Variants in SCYL3 observed in about 807,000 individuals in gnomAD.
SCYL3 encodes the protein SCY1 like pseudokinase 3, also known as protein-associating with the carboxyl-terminal domain of ezrin.
SCYL3 carries 35 observed loss-of-function variants against 73.8 expected under a neutral mutation model. The ratio of observed to expected loss-of-function variants is 0.47; its 90% CI spans 0.36 to 0.63. SCYL3 has a LOEUF of 0.63. Among genes scored for constraint, SCYL3 ranks in the 20% least tolerant of loss-of-function variants. The pLI is 0.00. For missense variants in SCYL3, 712 were observed against 798.9 expected (o/e 0.89, Z 1.31); for synonymous variants, 277 against 295.2 (o/e 0.94, Z 0.63).
Position 169,857,132 on chromosome 1 carries a change from A to G in SCYL3, c.1312+1909T>C, listed in dbSNP as rs73024220. ...CATACCAGAAATAAGGACTTCCTGC[A>G]GTATCTAAAAGGCAACAGCTTTTTA... is the stretch of plus-strand genomic sequence containing the variant. On this transcript the variant is annotated intron_variant, in intron 11 of 12. Coordinates refer to ENST00000367771, the MANE Select transcript of SCYL3 (RefSeq NM_020423.7). Among the ~76,000 whole-genome samples the G allele has an allele frequency of 3.6e-3, 544 of 152,362 alleles. 4 individuals are homozygous for G. Among genetic ancestry groups the G allele is most frequent in the African/African-American group, 0.012 (507 of 41,588 alleles).
In SCYL3 at chr1:169,851,016, G is replaced by T. The variant is rs1193913280; in HGVS notation, c.*2697C>A. The T allele has an allele frequency of 1.2e-4, 2 of 17,032 alleles. No homozygotes were observed. The highest frequency in any genetic ancestry group is 2.3e-4 in the African/African-American group (1 of 4,344). 1.1% of individuals were successfully genotyped at this position (17,032 alleles called of 1,614,324 possible). A position where few individuals can be genotyped will look rare whatever the true frequency, so the allele number is the denominator to read the frequency against. ...TTTTTTTTTTTTTTTTATTTGGGCA[G>T]CCTCCCAAGCCAGGGTAAGCTCAGG... On this transcript the variant is annotated 3_prime_UTR_variant, in exon 13 of 13. Transcript: ENST00000367771.
At chr1:169,861,027 A>G (rs573508315) in intron 10 of SCYL3, among the ~76,000 whole-genome samples, 1 of 152,366 alleles carries the variant, frequency 6.6e-6, no homozygotes, top group African/African-American at 2.4e-5. Flanking sequence ...GAGACCTATG[A>G]TGACAACTCC....
At chr1:169,876,120 G>C (rs1660784325) in intron 3 of SCYL3, 29 bp from the exon 4 acceptor site, 1 of 1,292,512 alleles carries the variant, frequency 7.7e-7, no homozygotes, top group Non-Finnish European at 1.1e-6. Context: ...AGAAGGAAGA[G>C]TGCCACTCCA....
At position 169,849,875 on chromosome 1, in the gene SCYL3, C is replaced by T. The variant is rs1180122272; in HGVS notation, c.*3838G>A. 4.1e-6 allele frequency: 2 copies of T among 486,182 alleles called. No homozygotes were observed. The highest frequency in any genetic ancestry group is 3.6e-5 in the Admixed American group (1 of 27,414). The allele number at this position is 486,182 out of a possible 1,614,324, so 30.1% of individuals were successfully genotyped here. On this transcript the variant is annotated 3_prime_UTR_variant, in exon 13 of 13. Transcript: ENST00000367771. ...ACAGACAGACACAGACACAGTCTTCCAGCAGATAGTATTTTTGGGTCAAAT... is the reference window on the plus strand; with the variant it reads ...ACAGACAGACACAGACACAGTCTTCTAGCAGATAGTATTTTTGGGTCAAAT...
chr1:169,861,917 TAAG>T (rs1318639501), intron 10 of SCYL3, among the ~76,000 whole-genome samples: 3 of 151,654 alleles, frequency 2.0e-5, no homozygotes, highest in Non-Finnish European at 2.9e-5. Context: ...GACAAGGAGG[TAAG>T]AAGGCCACGT....
In SCYL3 at chr1:169,863,277, A is replaced by G. The variant is rs188414539; in HGVS notation, c.956-480T>C. 1.8e-4 allele frequency among the ~76,000 whole-genome samples: 28 copies of G among 152,298 alleles called. No individual in the cohort carries two copies. In the East Asian group the frequency reaches 4.8e-3, roughly 26 times the overall value. On this transcript the variant is annotated intron_variant, in intron 9 of 12. Transcript: ENST00000367771. ...TCTTTTCTTGACCGAAAATTACTTA[A>G]CGCTTAATTATGTTAAGTACACTTA...
chr1:169,850,489 T>C lies in SCYL3; in HGVS notation c.*3224A>G, dbSNP rs1318621495. On this transcript the variant is annotated 3_prime_UTR_variant, in exon 13 of 13. Transcript: ENST00000367771. ...AGTGCTGACGACTTTTACTAAGCAATTGAGGCCACAGAAGTAAAACACTTG... is the reference window on the plus strand; with the variant it reads ...AGTGCTGACGACTTTTACTAAGCAACTGAGGCCACAGAAGTAAAACACTTG... 60 of 593,356 alleles carry C rather than the reference T, an allele frequency of 1.0e-4. No homozygotes were observed. The highest frequency in any genetic ancestry group is 3.0e-5 in the Admixed American group (1 of 33,502). 36.8% of individuals were successfully genotyped at this position (593,356 alleles called of 1,614,324 possible).
chr1:169,885,847 C>T (rs555246457), intron 2 of SCYL3, among the ~76,000 whole-genome samples: 29 of 152,150 alleles, frequency 1.9e-4, no homozygotes, highest in Middle Eastern at 3.4e-3. Flanking sequence ...AAAAGGAGAG[C>T]GTGAAGTCTG....
At chr1:169,878,503 G>A in intron 3 of SCYL3, 131 bp downstream of exon 3, 3 of 782,418 alleles carry the variant, frequency 3.8e-6, no homozygotes, top group Non-Finnish European at 5.8e-6. Context: ...TTTTCCTCAG[G>A]AAGTTTTCTA....
chr1:169,886,041 G>GGT (rs1661658664), intron 2 of SCYL3, among the ~76,000 whole-genome samples: 1 of 152,154 alleles, frequency 6.6e-6, no homozygotes. Flanking sequence ...GGCCAGGTAC[G>GGT]GTGGCTCATG....
chr1:169,879,286 G>T (rs1369246729), intron 2 of SCYL3, among the ~76,000 whole-genome samples: 2 of 152,178 alleles, frequency 1.3e-5, no homozygotes, highest in East Asian at 1.9e-4. Flanking sequence ...TGTAACAAAG[G>T]TGCTAAAAGT....
intron 9 of SCYL3, 37 bp from the exon 10 acceptor site, chr1:169,862,834 A>G: frequency 6.2e-7 from 1 of 1,600,856 alleles, no homozygotes; most frequent in Non-Finnish European, 8.6e-7. Flanking sequence ...TGAAAAAACA[A>G]ATTTTCATTT....
Position 169,851,902 on chromosome 1 carries a change from T to C in SCYL3, c.*1811A>G. On this transcript the variant is annotated 3_prime_UTR_variant, in exon 13 of 13. Transcript: ENST00000367771. ...ATTTTCTGGGAACCCTTTGCTAATG[T>C]GACTGTAGAAGAAGCAAAGAGGTCA... 6.2e-7 allele frequency: 1 copy of C among 1,614,070 alleles called. No homozygotes were observed. Among genetic ancestry groups the C allele is most frequent in the Middle Eastern group, 1.7e-4 (1 of 6,060 alleles).
At chr1:169,864,969 CA>C (rs3062290) in intron 8 of SCYL3, among the ~76,000 whole-genome samples, 17,274 of 132,508 alleles carry the variant, frequency 0.13, 1,195 homozygotes, top group Admixed American at 0.19. Flanking sequence ...GATTCTGTCT[CA>C]AAAAAAAAAA....
Position 169,855,736 on chromosome 1 carries a change from T to TA in SCYL3, c.1313-773dup, listed in dbSNP as rs1659077303. 2.1e-5 allele frequency: 31 copies of TA among 1,495,988 alleles called. No individual in the cohort carries two copies. The South Asian group carries it at 3.5e-4, about 17-fold the overall frequency. The allele number at this position is 1,495,988 out of a possible 1,614,324, so 92.7% of individuals were successfully genotyped here. ...ACTCCCAAAACACCCATAAGCTTAT[T>TA]AGTCTCAGGAAAACATTCATCCAAG... is the stretch of plus-strand genomic sequence containing the variant. On this transcript the variant is annotated intron_variant, in intron 11 of 12. Transcript: ENST00000367771.
At chr1:169,872,959 T>C (rs1660518875) in intron 5 of SCYL3, among the ~76,000 whole-genome samples, 3 of 152,126 alleles carry the variant, frequency 2.0e-5, no homozygotes, top group African/African-American at 2.4e-5. Flanking sequence ...AGATGAGACA[T>C]TGGACTATGG....
At chr1:169,867,006 A>G in intron 7 of SCYL3, 33 bp from the exon 8 acceptor site, 3 of 1,231,516 alleles carry the variant, frequency 2.4e-6, no homozygotes, top group Non-Finnish European at 3.5e-6. Flanking sequence ...ATTCAGCAGA[A>G]CAGATTAGAG....
At chr1:169,859,245 C>T in intron 10 of SCYL3, 33 bp from the exon 11 acceptor site, 1 of 1,578,218 alleles carries the variant, frequency 6.3e-7, no homozygotes, top group Non-Finnish European at 8.6e-7. Flanking sequence ...GGGTTGACAA[C>T]CACAATACCT....
intron 3 of SCYL3, 116 bp downstream of exon 3, chr1:169,878,518 T>C (rs1293195088): frequency 3.2e-6 from 3 of 929,542 alleles, no homozygotes; most frequent in South Asian, 4.0e-5. Flanking sequence ...TTTCTAATAA[T>C]AACACTTAAC....
Sources: allele counts gnomAD v4.1 joint callset (sites outside exome capture counted in the v4.1 genomes callset), GRCh38; gene constraint gnomAD v4.1.1; transcripts MANE v1.5; gene names NCBI Gene and HGNC (gene_info 2026-07-23, HGNC 2026-07-21).